Variants in ACVR2A observed in about 807,000 individuals in gnomAD.
ACVR2A encodes activin receptor type-2A.
In ACVR2A, 7 loss-of-function variants were observed where a neutral mutation model predicts 61.4. That is an observed-to-expected ratio of 0.11 (90% CI 0.06 to 0.21). ACVR2A has a LOEUF of 0.21. ACVR2A is among the 10% of genes least tolerant of loss of function. The pLI is 1.00. For synonymous variants in ACVR2A, 193 were observed against 208.3 expected (o/e 0.93, Z 0.63); for missense variants, 322 against 621.7 (o/e 0.52, Z 5.13).
In ACVR2A at chr2:147,907,422, T is replaced by G. The variant is rs546887018; in HGVS notation, c.528+7524T>G. Among the ~76,000 whole-genome samples the G allele has an allele frequency of 4.6e-5, 7 of 152,342 alleles. No homozygotes were observed. In the South Asian group the frequency reaches 1.2e-3, roughly 27 times the overall value. On this transcript the variant is annotated intron_variant, in intron 4 of 10. Transcript: ENST00000241416. ...ATCCTTGAGGAATCACCACACTGTC[T>G]TCTACTATGGTTGAACTAATTTACA...
chr2:147,917,849 G>A (rs976287429), intron 6 of ACVR2A, among the ~76,000 whole-genome samples: 3 of 151,832 alleles, frequency 2.0e-5, no homozygotes, highest in African/African-American at 7.3e-5. Context: ...TCACTAACTT[G>A]CAGGGTAATT....
chr2:147,899,617 C>G (rs1391601716), intron 3 of ACVR2A, 50 bp downstream of exon 3: 1 of 1,585,408 alleles, frequency 6.3e-7, no homozygotes, highest in African/African-American at 1.4e-5. Context: ...AGATTGGAAA[C>G]AAAATATATT....
chr2:147,907,817 G>A (rs1384448356), intron 4 of ACVR2A, among the ~76,000 whole-genome samples: 2 of 152,126 alleles, frequency 1.3e-5, no homozygotes, highest in African/African-American at 4.8e-5. Flanking sequence ...CCTGAGGTCA[G>A]GAGTTTGAGA....
chr2:147,906,664 AATT>A (rs1031171516), intron 4 of ACVR2A, among the ~76,000 whole-genome samples: 13 of 152,142 alleles, frequency 8.5e-5, no homozygotes, highest in East Asian at 1.9e-4. Context: ...TTTTTACTGA[AATT>A]ATTGTTGATA....
intron 1 of ACVR2A, among the ~76,000 whole-genome samples, chr2:147,869,688 A>C (rs371280200): frequency 9.2e-5 from 14 of 152,342 alleles, no homozygotes; most frequent in Admixed American, 4.6e-4. Flanking sequence ...GCAAAATTGC[A>C]TGAGAAACCA....
chr2:147,924,454 TAAGA>T, intron 9 of ACVR2A, among the ~76,000 whole-genome samples: 1 of 152,124 alleles, frequency 6.6e-6, no homozygotes, highest in South Asian at 2.1e-4. Context: ...GTGCAATACT[TAAGA>T]AATACAAGCA....
Position 147,930,133 on chromosome 2 carries a change from T to G in ACVR2A, c.*2859T>G, listed in dbSNP as rs555613428. 2.0e-3 allele frequency: 304 copies of G among 152,624 alleles called. 1 individual carries two copies. Among genetic ancestry groups the G allele is most frequent in the Non-Finnish European group, 3.6e-3 (243 of 67,980 alleles). The allele number at this position is 152,624 out of a possible 1,614,324, so 9.5% of individuals were successfully genotyped here. ...GATTGTTAGTCCCATGAACTTGCAC[T>G]ATCTATCTTTCATGGTGATGTTTTG... On this transcript the variant is annotated 3_prime_UTR_variant, in exon 11 of 11. Transcript: ENST00000241416.
intron 1 of ACVR2A, among the ~76,000 whole-genome samples, chr2:147,885,598 T>C (rs1686411004): frequency 6.6e-6 from 1 of 152,114 alleles, no homozygotes; most frequent in Non-Finnish European, 1.5e-5. Context: ...TGAATGGATA[T>C]TTGTGGCTTG....
chr2:147,854,086 T>C (rs530790855), intron 1 of ACVR2A, among the ~76,000 whole-genome samples: 55 of 152,252 alleles, frequency 3.6e-4, no homozygotes, highest in African/African-American at 1.2e-3. Context: ...AAATATAGAT[T>C]TGGTTCTTGG....
Position 147,918,481 on chromosome 2 carries a change from T to C in ACVR2A, c.851T>C (p.Val284Ala). 6.2e-7 allele frequency: 1 copy of C among 1,611,852 alleles called. No homozygotes were observed. ...TCAGACTTTCTTAAGGCTAATGTGGTCTCTTGGAATGAACTGTGTCATATT... is the reference window on the plus strand; with the variant it reads ...TCAGACTTTCTTAAGGCTAATGTGGCCTCTTGGAATGAACTGTGTCATATT... The part of the protein sequence containing the change: ...SLSDFLKANV[V>A]SWNELCHIAE... The change falls in exon 7 of 11, where the codon GTC becomes GCC. Residue 284 changes from valine to alanine, a missense_variant. Transcript: ENST00000241416.
chr2:147,905,415 A>G (rs985994019), intron 4 of ACVR2A, among the ~76,000 whole-genome samples: 4 of 152,120 alleles, frequency 2.6e-5, no homozygotes, highest in African/African-American at 7.2e-5. Context: ...AAGGTGTACA[A>G]TGTGATTTTT....
At chr2:147,892,133 A>G (rs1465202868) in intron 1 of ACVR2A, among the ~76,000 whole-genome samples, 1 of 151,722 alleles carries the variant, frequency 6.6e-6, no homozygotes, top group Non-Finnish European at 1.5e-5. Flanking sequence ...CACTATGCCC[A>G]GCTAATTTTT....
chr2:147,851,182 C>T (rs138951783), intron 1 of ACVR2A, among the ~76,000 whole-genome samples: 13 of 152,230 alleles, frequency 8.5e-5, no homozygotes, highest in African/African-American at 3.1e-4. Flanking sequence ...CTTTCACTGA[C>T]TGTGAGTCAC....
At chr2:147,867,900 C>G (rs1484350941) in intron 1 of ACVR2A, among the ~76,000 whole-genome samples, 1 of 152,174 alleles carries the variant, frequency 6.6e-6, no homozygotes, top group Non-Finnish European at 1.5e-5. Flanking sequence ...CCTTGTGCCT[C>G]TACACTCCGC....
chr2:147,896,661 T>A (rs1244258327), intron 2 of ACVR2A, 153 bp downstream of exon 2: 2 of 652,042 alleles, frequency 3.1e-6, no homozygotes, highest in Non-Finnish European at 2.6e-6. Flanking sequence ...CATGCTGTAA[T>A]GACAGTATAT....
At chr2:147,902,928 A>G (rs1686904680) in intron 4 of ACVR2A, 1 of 152,016 alleles carries the variant, frequency 6.6e-6, no homozygotes, top group African/African-American at 2.4e-5. Context: ...ACAGTGCCAT[A>G]ACATTTGTCA....
intron 1 of ACVR2A, among the ~76,000 whole-genome samples, chr2:147,852,681 G>T (rs1218004653): frequency 6.6e-6 from 1 of 152,058 alleles, no homozygotes; most frequent in Non-Finnish European, 1.5e-5. Flanking sequence ...ACATTAGATT[G>T]TAATTTTGGG....
At position 147,918,585 on chromosome 2, in the gene ACVR2A, T is replaced by G; in HGVS notation, c.955T>G (p.Ser319Ala). ...GLKDGHKPAI[S>A]HRDIKSKNVL... ...AAAAGATGGCCACAAACCTGCCATA[T>G]CTCACAGGTAGACTAAATTTATATT... is the stretch of plus-strand genomic sequence containing the variant. Residue 319 changes from serine to alanine, a missense_variant, in exon 7 of 11, where the codon TCT (serine) becomes GCT (alanine). Physicochemically the swap from Ser to Ala is moderately conservative, Grantham distance 99. Transcript: ENST00000241416. 2 of 1,601,506 alleles carry G rather than the reference T, an allele frequency of 1.2e-6. No homozygotes were observed. The highest frequency in any genetic ancestry group is 1.7e-6 in the Non-Finnish European group (2 of 1,175,760).
At chr2:147,926,555 G>A (rs1687504526) in intron 10 of ACVR2A, among the ~76,000 whole-genome samples, 1 of 151,874 alleles carries the variant, frequency 6.6e-6, no homozygotes. Context: ...GTTTGTTGTA[G>A]CCTTTTAATT....
Sources: allele counts gnomAD v4.1 joint callset (sites outside exome capture counted in the v4.1 genomes callset), GRCh38; gene constraint gnomAD v4.1.1; transcripts MANE v1.5; gene names NCBI Gene and HGNC (gene_info 2026-07-23, HGNC 2026-07-21).